Variants in PCDHGA4 observed in about 807,000 individuals in gnomAD.
The protein encoded by PCDHGA4 is protocadherin gamma-A4.
PCDHGA4 carries 38 observed loss-of-function variants against 54.6 expected under a neutral mutation model. That is an observed-to-expected ratio of 0.70 (90% CI 0.54 to 0.91). The LOEUF is 0.91. PCDHGA4 is among the 40% of genes least tolerant of loss of function. The pLI, the probability that PCDHGA4 is intolerant of heterozygous loss-of-function variation, is 0.00. For missense variants in PCDHGA4, 1,298 were observed against 1,220.9 expected, an observed-to-expected ratio of 1.06 and a Z score of -0.94; for synonymous variants, 511 against 512.9, an observed-to-expected ratio of 1.00 and a Z score of 0.05.
rs182404532 is a variant in PCDHGA4 at position 141,384,827 on chromosome 5, T to G, written c.2514+27206T>G. ...AGAGATGCCCTCAAGCAGAGCCTCGTGGTGGCCGTCCAGGACCACGGTCAG... is the reference window on the plus strand; with the variant it reads ...AGAGATGCCCTCAAGCAGAGCCTCGGGGTGGCCGTCCAGGACCACGGTCAG... On this transcript the variant is annotated intron_variant, in intron 1 of 3. Coordinates refer to ENST00000571252, the MANE Select transcript of PCDHGA4 (RefSeq NM_018917.4). 8,704 of 1,613,474 alleles carry G rather than the reference T, an allele frequency of 5.4e-3. 36 individuals carry two copies. The highest frequency in any genetic ancestry group is 6.5e-3 in the Non-Finnish European group (7,724 of 1,179,900).
At chr5:141,429,105 C>G (rs936114624) in intron 1 of PCDHGA4, 1 of 152,318 alleles carries the variant, frequency 6.6e-6, no homozygotes, top group Non-Finnish European at 1.5e-5. Flanking sequence ...CTGCCCGCCT[C>G]GGCCTCCCAA....
intron 1 of PCDHGA4, chr5:141,422,075 G>A (rs1192481253): frequency 1.9e-6 from 3 of 1,612,092 alleles, no homozygotes; most frequent in East Asian, 2.2e-5. Flanking sequence ...TATTCATTTC[G>A]GAACATGGAA....
chr5:141,445,361 G>A (rs2098464750), intron 1 of PCDHGA4, among the ~76,000 whole-genome samples: 2 of 152,138 alleles, frequency 1.3e-5, no homozygotes, highest in African/African-American at 4.8e-5. Context: ...GCCCAAGTCT[G>A]GTCCTGGGTG....
chr5:141,357,336 A>G lies in PCDHGA4; in HGVS notation c.2229A>G (p.Leu743=). ...TCCTGGCTTTTGTCACGGTGCTGCT[A>G]GCACTCAAGCTGAGACGCTGGCACA... ...CVFLAFVTVL[L]ALKLRRWHKS... The change falls in exon 1 of 4, where the codon CTA becomes CTG. Residue 743 remains leucine (L), a synonymous_variant. Coordinates refer to ENST00000571252, the MANE Select transcript of PCDHGA4 (RefSeq NM_018917.4). The G allele has an allele frequency of 1.2e-6, 2 of 1,614,110 alleles. No homozygotes were observed. The highest frequency in any genetic ancestry group is 8.5e-7 in the Non-Finnish European group (1 of 1,179,946).
chr5:141,434,727 A>C (rs1344107083), intron 1 of PCDHGA4, among the ~76,000 whole-genome samples: 1 of 152,052 alleles, frequency 6.6e-6, no homozygotes. Context: ...CAGGGCTCTC[A>C]GCTCTGAAGG....
rs764742899 is a variant in PCDHGA4, at chr5:141,487,062, C to T, written c.2515-7745C>T. On this transcript the variant is annotated intron_variant, in intron 1 of 3. Transcript: ENST00000571252. This position sits in a 1 kb window ranked among gnomAD's most constrained non-coding sequence, Gnocchi z 5.0. Reference sequence around the variant, plus strand: ...TCTCGATATGCTGGGGAGGTGCGGACGGCTGTTCCTATCCCAGCTGACCTC... The same window carrying T: ...TCTCGATATGCTGGGGAGGTGCGGATGGCTGTTCCTATCCCAGCTGACCTC... 2.8e-5 allele frequency: 45 copies of T among 1,613,980 alleles called. No homozygotes were observed. Among genetic ancestry groups the T allele is most frequent in the East Asian group, 1.3e-4 (6 of 44,874 alleles).
chr5:141,449,588 C>CAAA (rs768743917), intron 1 of PCDHGA4, among the ~76,000 whole-genome samples: 1 of 57,476 alleles, frequency 1.7e-5, no homozygotes, highest in East Asian at 5.2e-4. Context: ...GACTCTGTCT[C>CAAA]AAAAAAAAAA....
rs758993148 is a variant in PCDHGA4 at position 141,430,863 on chromosome 5, T to C, written c.2515-63944T>C. On this transcript the variant is annotated intron_variant, in intron 1 of 3. Transcript: ENST00000571252. Reference sequence around the variant, plus strand: ...GGATGCACCCAGATACGCTATTCAGTTCCGGAAGAGCTGGAGAAAGGCTCT... The same window carrying C: ...GGATGCACCCAGATACGCTATTCAGCTCCGGAAGAGCTGGAGAAAGGCTCT... 8 of 1,594,990 alleles carry C rather than the reference T, an allele frequency of 5.0e-6. No individual in the cohort carries two copies. In the South Asian group the frequency reaches 8.0e-5, roughly 16 times the overall value.
intron 1 of PCDHGA4, chr5:141,427,649 C>T (rs1283312654): frequency 1.4e-6 from 1 of 717,274 alleles, no homozygotes; most frequent in East Asian, 2.7e-5. Context: ...AAGTCTCCTA[C>T]GTGGTCCACG....
At chr5:141,399,494 G>T in intron 1 of PCDHGA4, 1 of 1,614,032 alleles carries the variant, frequency 6.2e-7, no homozygotes, top group Non-Finnish European at 8.5e-7. Flanking sequence ...TACTTAGTCA[G>T]TGTACCCGAA....
At chr5:141,360,213 C>CG (rs1458385233) in intron 1 of PCDHGA4, 10 of 1,613,128 alleles carry the variant, frequency 6.2e-6, no homozygotes, top group Middle Eastern at 1.7e-4. Flanking sequence ...CTTTGTTCCC[C>CG]GGGGCTCTCC....
intron 1 of PCDHGA4, chr5:141,360,796 C>T (rs1267139317): frequency 6.2e-7 from 1 of 1,613,950 alleles, no homozygotes; most frequent in Admixed American, 1.7e-5. Context: ...CGGAGACCCA[C>T]CTCAAAGTGG....
chr5:141,355,995 AG>A lies in PCDHGA4; in HGVS notation c.889del (p.Ala297ProfsTer12). 1 of 1,613,888 alleles carries A rather than the reference AG, an allele frequency of 6.2e-7. No individual in the cohort carries two copies. The highest frequency in any genetic ancestry group is 8.5e-7 in the Non-Finnish European group (1 of 1,179,880). On this transcript the variant is annotated frameshift_variant, in exon 1 of 4. Transcript: ENST00000571252. LOFTEE classifies it high-confidence loss of function. ...TAGGCACTCGGCTACTCACCGTAAA[AG>A]CCACTGATCCAGATGAAGGAGCCAA... ...PVGTRLLTVK[A>X]TDPDEGANGD...
rs76381401 is a variant in PCDHGA4, at chr5:141,399,054, G to A, written c.2514+41433G>A. 4.7e-4 allele frequency: 759 copies of A among 1,613,694 alleles called. 3 individuals are homozygous for A. The African/African-American group carries it at 8.4e-3, about 18-fold the overall frequency. ...AGAAACTGGATTTTGAAGAGACCAAGGAATATTCAATGGTTGTAGAAGGGA... is the reference window on the plus strand; with the variant it reads ...AGAAACTGGATTTTGAAGAGACCAAAGAATATTCAATGGTTGTAGAAGGGA... On this transcript the variant is annotated intron_variant, in intron 1 of 3. Coordinates refer to ENST00000571252, the MANE Select transcript of PCDHGA4 (RefSeq NM_018917.4).
chr5:141,449,562 C>T (rs1374591292), intron 1 of PCDHGA4, among the ~76,000 whole-genome samples: 1 of 143,862 alleles, frequency 7.0e-6, no homozygotes, highest in East Asian at 2.0e-4. Context: ...GCACTCCAGC[C>T]TGGGCGACAG....
intron 1 of PCDHGA4, chr5:141,365,975 A>T (rs1280013526): frequency 6.2e-7 from 1 of 1,614,108 alleles, no homozygotes; most frequent in Non-Finnish European, 8.5e-7. Context: ...CGTGTCGCTG[A>T]GCCTGTTTGT....
In PCDHGA4 at chr5:141,357,512, C is replaced by T. The variant is rs1211736119; in HGVS notation, c.2405C>T (p.Ser802Phe). 1.9e-6 allele frequency: 3 copies of T among 1,614,258 alleles called. No individual in the cohort carries two copies. Among genetic ancestry groups the T allele is most frequent in the Non-Finnish European group, 2.5e-6 (3 of 1,180,052 alleles). ...TCGCGGAAGAGTCACCTGATCTTCTCCCAACCCAGCTATGCAGACACGCTC... is the reference window on the plus strand; with the variant it reads ...TCGCGGAAGAGTCACCTGATCTTCTTCCAACCCAGCTATGCAGACACGCTC... ...ADSRKSHLIFSQPSYADTLIS... is the reference protein window; with the variant it reads ...ADSRKSHLIFFQPSYADTLIS... The change falls in exon 1 of 4, where the codon TCC (serine) becomes TTC (phenylalanine). Residue 802 changes from serine (S) to phenylalanine (F), a missense_variant. Physicochemically the swap from Ser to Phe is radical, Grantham distance 155. Transcript: ENST00000571252.
At chr5:141,360,888 G>GA (rs1462264831) in intron 1 of PCDHGA4, 2 of 1,613,934 alleles carry the variant, frequency 1.2e-6, no homozygotes, top group Non-Finnish European at 1.7e-6. Flanking sequence ...GGGTCACCCT[G>GA]AGGGAGGACG....
In PCDHGA4 at chr5:141,487,818, G is replaced by A. The variant is rs1009237001; in HGVS notation, c.2515-6989G>A. On this transcript the variant is annotated intron_variant, in intron 1 of 3. Coordinates refer to ENST00000571252, the MANE Select transcript of PCDHGA4 (RefSeq NM_018917.4). This position sits in a 1 kb window ranked among gnomAD's most constrained non-coding sequence, Gnocchi z 5.0. ...GAGTTGTCACAGTTTAGCATTGGGG[G>A]CGGGTCATGCCTATATCTGAGTAAG... The A allele has an allele frequency of 1.2e-4, 158 of 1,331,596 alleles. No homozygotes were observed. The highest frequency in any genetic ancestry group is 1.4e-4 in the Non-Finnish European group (140 of 970,524). 82.5% of individuals were successfully genotyped at this position (1,331,596 alleles called of 1,614,324 possible). A position where few individuals can be genotyped will look rare whatever the true frequency, so the allele number is the denominator to read the frequency against.
Sources: allele counts gnomAD v4.1 joint callset (sites outside exome capture counted in the v4.1 genomes callset), GRCh38; gene constraint gnomAD v4.1.1; non-coding constraint Gnocchi (gnomAD v3.1); transcripts MANE v1.5; gene names NCBI Gene and HGNC (gene_info 2026-07-23, HGNC 2026-07-21).